CYB5R1: variants seen among roughly 807,000 people sequenced by gnomAD.
CYB5R1 encodes the protein cytochrome b5 reductase 1, also known as NADH-cytochrome b5 reductase 1.
A neutral mutation model predicts 37.4 loss-of-function variants in CYB5R1; 32 were observed. The ratio of observed to expected loss-of-function variants is 0.86; its 90% CI spans 0.65 to 1.15. CYB5R1 has a LOEUF of 1.15. Among genes scored for constraint, CYB5R1 ranks in the 50% most tolerant of loss-of-function variants. The pLI is 0.00. For missense variants in CYB5R1, 345 were observed against 382.5 expected, an observed-to-expected ratio of 0.90 and a Z score of 0.82; for synonymous variants, 159 against 155.2, an observed-to-expected ratio of 1.02 and a Z score of -0.18.
intron 6 of CYB5R1, 132 bp from the exon 7 acceptor site, chr1:202,963,859 A>C: frequency 2.1e-5 from 11 of 519,410 alleles, no homozygotes; most frequent in Admixed American, 3.9e-5. Flanking sequence ...TAGCATTCTC[A>C]TCCTCTAAAC....
rs760073274 is a variant in CYB5R1, at chr1:202,966,843, G to A, written c.71C>T (p.Ala24Val). 2 of 1,614,028 alleles carry A rather than the reference G, an allele frequency of 1.2e-6. No individual in the cohort carries two copies. The highest frequency in any genetic ancestry group is 3.3e-5 in the Admixed American group (2 of 60,010). The change falls in exon 2 of 9, where the codon GCT becomes GTT. Residue 24 changes from alanine to valine, a missense_variant. By Grantham distance (64) the Ala-to-Val change is moderately conservative. Transcript: ENST00000367249. The stretch of plus-strand genomic sequence containing the variant: ...CCTCCGAACCAAGTAGGAGCCCACA[G>A]CCAGGCCGAGCAGAGTGACCAGCCC... ...GVGLVTLLGL[A>V]VGSYLVRRSR...
intron 5 of CYB5R1, 62 bp from the exon 6 acceptor site, chr1:202,964,757 A>G: frequency 1.6e-6 from 2 of 1,232,176 alleles, no homozygotes; most frequent in South Asian, 2.4e-5. Flanking sequence ...CTTAGAAAAC[A>G]AATGCAGAGT....
Position 202,963,172 on chromosome 1 carries a change from TGCA to T in CYB5R1, c.646-10_646-8del. The T allele has an allele frequency of 6.2e-7, 1 of 1,609,226 alleles. No individual in the cohort carries two copies. Among genetic ancestry groups the T allele is most frequent in the South Asian group, 1.1e-5 (1 of 90,996 alleles). ...AGATGATATCCTTTTCTGTCTGAAA[TGCA>T]AAGGGGAAGGAAAGTCTTTAGGAGT... On this transcript the variant is annotated splice_region_variant and splice_polypyrimidine_tract_variant and intron_variant, in intron 7 of 8. Transcript: ENST00000367249.
chr1:202,967,028 G>GT (rs1655112081), intron 1 of CYB5R1, 130 bp from the exon 2 acceptor site: 9 of 1,427,756 alleles, frequency 6.3e-6, no homozygotes, highest in Non-Finnish European at 8.5e-6. Flanking sequence ...GTAACCTGGC[G>GT]GAGTCCCGAG....
At chr1:202,966,127 T>C in intron 3 of CYB5R1, 134 bp from the exon 4 acceptor site, 1 of 669,546 alleles carries the variant, frequency 1.5e-6, no homozygotes, top group South Asian at 1.8e-5. Context: ...GCAGGGAAGA[T>C]TTGCCCCATT....
chr1:202,966,402 C>A (rs943664342), intron 3 of CYB5R1, 126 bp downstream of exon 3: 13 of 1,115,874 alleles, frequency 1.2e-5, no homozygotes, highest in Non-Finnish European at 1.6e-5. Flanking sequence ...GGATGCAGAG[C>A]CAAGTGGGGG....
intron 8 of CYB5R1, 41 bp downstream of exon 8, chr1:202,963,025 C>G: frequency 6.5e-7 from 1 of 1,544,018 alleles, no homozygotes; most frequent in Non-Finnish European, 9.0e-7. Context: ...TTGATTTTGA[C>G]GATGAGGGGA....
rs1385420704 is a variant in CYB5R1, at chr1:202,967,255, T to A, written c.-50A>T. The A allele has an allele frequency of 8.9e-6, 11 of 1,234,206 alleles. No homozygotes were observed. Among genetic ancestry groups the A allele is most frequent in the East Asian group, 4.5e-5 (1 of 22,336 alleles). 76.5% of individuals were successfully genotyped at this position (1,234,206 alleles called of 1,614,324 possible). A position where few individuals can be genotyped will look rare whatever the true frequency, so the allele number is the denominator to read the frequency against. ...CCTGACAAGCCGACAGATCCCACAA[T>A]GCGCCGCGGGGCGGGTCGGAGGGCG... On this transcript the variant is annotated 5_prime_UTR_variant, in exon 1 of 9. Coordinates refer to ENST00000367249, the MANE Select transcript of CYB5R1 (RefSeq NM_016243.3).
At position 202,962,343 on chromosome 1, in the gene CYB5R1, T is replaced by G. The variant is rs1259394340; in HGVS notation, c.*184A>C. On this transcript the variant is annotated 3_prime_UTR_variant, in exon 9 of 9. Coordinates refer to ENST00000367249, the MANE Select transcript of CYB5R1 (RefSeq NM_016243.3). ...GAGATTTAGGAGGCCATCCAAGGAG[T>G]GACTGAGCCTTGGCCCTCTTCCATG... The G allele has an allele frequency of 2.8e-6, 2 of 703,624 alleles. No individual in the cohort carries two copies. Among genetic ancestry groups the G allele is most frequent in the Admixed American group, 6.3e-5 (2 of 31,596 alleles). The allele number at this position is 703,624 out of a possible 1,614,324, so 43.6% of individuals were successfully genotyped here.
At chr1:202,965,155 G>T in intron 5 of CYB5R1, 2 of 568,140 alleles carry the variant, frequency 3.5e-6, no homozygotes, top group Non-Finnish European at 3.0e-6. Context: ...CTCCACAGCT[G>T]CCATGGCTAG....
At position 202,962,000 on chromosome 1, in the gene CYB5R1, A is replaced by C. The variant is rs1374748244; in HGVS notation, c.*527T>G. The C allele has an allele frequency of 6.6e-6, 1 of 152,274 alleles. No homozygotes were observed. 9.4% of individuals were successfully genotyped at this position (152,274 alleles called of 1,614,324 possible). A position where few individuals can be genotyped will look rare whatever the true frequency, so the allele number is the denominator to read the frequency against. On this transcript the variant is annotated 3_prime_UTR_variant, in exon 9 of 9. Coordinates refer to ENST00000367249, the MANE Select transcript of CYB5R1 (RefSeq NM_016243.3). ...TGGGCAGGGGCTGAGAGAGACACAC[A>C]CAGAAATATGATATTTCAGACTCCT...
chr1:202,966,130 G>A, intron 3 of CYB5R1, 137 bp from the exon 4 acceptor site: 1 of 647,388 alleles, frequency 1.5e-6, no homozygotes, highest in South Asian at 1.9e-5. Flanking sequence ...GGGAAGATTT[G>A]CCCCATTGAG....
Position 202,962,445 on chromosome 1 carries a change from G to T in CYB5R1, c.*82C>A. ...TAACTGAAAAAACCTGAAACTCTGA[G>T]GAAAGGAATCTAAGGCTTATAGTGC... On this transcript the variant is annotated 3_prime_UTR_variant, in exon 9 of 9. Coordinates refer to ENST00000367249, the MANE Select transcript of CYB5R1 (RefSeq NM_016243.3). 6.8e-7 allele frequency: 1 copy of T among 1,478,936 alleles called. No individual in the cohort carries two copies. The highest frequency in any genetic ancestry group is 9.1e-7 in the Non-Finnish European group (1 of 1,103,310). 91.6% of individuals were successfully genotyped at this position (1,478,936 alleles called of 1,614,324 possible).
Position 202,966,875 on chromosome 1 carries a change from C to G in CYB5R1, c.39G>C (p.Leu13=), listed in dbSNP as rs1183330691. Residue 13 remains leucine (L), a synonymous_variant, in exon 2 of 9, where the codon CTG becomes CTC. Transcript: ENST00000367249. ...CGAGCAGAGTGACCAGCCCCACCCC[C>G]AGGGAGGCCAGCAGGACGGGGCTCT... ...IQTSPVLLAS[L]GVGLVTLLGL... The G allele has an allele frequency of 1.9e-6, 3 of 1,612,354 alleles. No homozygotes were observed. Among genetic ancestry groups the G allele is most frequent in the Non-Finnish European group, 2.5e-6 (3 of 1,179,334 alleles).
intron 5 of CYB5R1, 184 bp from the exon 6 acceptor site, chr1:202,964,879 G>C: frequency 1.6e-6 from 1 of 608,874 alleles, no homozygotes; most frequent in South Asian, 1.9e-5. Context: ...GGGACAATGG[G>C]GCCAGGGCTA....
At chr1:202,964,444 A>C in intron 6 of CYB5R1, 168 bp downstream of exon 6, 1 of 619,532 alleles carries the variant, frequency 1.6e-6, no homozygotes. Context: ...TTTGGTTTCT[A>C]CCTGCTTATG....
rs1301552038 is a variant in CYB5R1, at chr1:202,965,624, ACTTT to A, written c.346-128_346-125del. On this transcript the variant is annotated intron_variant, in intron 4 of 8. Transcript: ENST00000367249. ...TGTGCTATCTTTTCCCCGTCTACATACTTTCTTTCTTTCTTTTTTTTTTTTGAGT... is the reference window on the plus strand; with the variant it reads ...TGTGCTATCTTTTCCCCGTCTACATACTTTCTTTCTTTTTTTTTTTTGAGT... 1.6e-3 allele frequency: 1,544 copies of A among 989,660 alleles called. 4 individuals carry two copies. Among genetic ancestry groups the A allele is most frequent in the East Asian group, 2.6e-3 (90 of 35,294 alleles). The allele number at this position is 989,660 out of a possible 1,614,324, so 61.3% of individuals were successfully genotyped here.
In CYB5R1 at chr1:202,967,183, G is replaced by C. The variant is rs983756337; in HGVS notation, c.15+8C>G. 9.9e-6 allele frequency: 16 copies of C among 1,611,748 alleles called. No individual in the cohort carries two copies. The highest frequency in any genetic ancestry group is 1.4e-5 in the Non-Finnish European group (16 of 1,178,954). On this transcript the variant is annotated splice_region_variant and intron_variant, in intron 1 of 8. Transcript: ENST00000367249. ...CCCCCAGTGGAGGATACTGAATGAG[G>C]GTCTTACCGTCTGGATCCCCATGAC...
intron 8 of CYB5R1, 128 bp downstream of exon 8, chr1:202,962,938 T>G (rs1440046810): frequency 4.0e-6 from 4 of 991,282 alleles, no homozygotes; most frequent in Non-Finnish European, 6.5e-6. Context: ...ACTGTGTCTG[T>G]GCACTCAGAC....
Sources: allele counts gnomAD v4.1 joint callset, GRCh38; gene constraint gnomAD v4.1.1; transcripts MANE v1.5; gene names NCBI Gene and HGNC (gene_info 2026-07-23, HGNC 2026-07-21).